Variants in TRAF3IP1 observed in about 807,000 individuals in gnomAD.
The protein encoded by TRAF3IP1 is TRAF3-interacting protein 1.
TRAF3IP1 carries 53 observed loss-of-function variants against 89.9 expected under a neutral mutation model. That is an observed-to-expected ratio of 0.59 (90% CI 0.47 to 0.74). TRAF3IP1 has a LOEUF of 0.74. Ranked by LOEUF, TRAF3IP1 falls within the 30% of genes least tolerant of loss-of-function variation. The pLI is 0.00. For missense variants in TRAF3IP1, 806 were observed against 866.1 expected, an observed-to-expected ratio of 0.93 and a Z score of 0.87; for synonymous variants, 311 against 322.1, an observed-to-expected ratio of 0.97 and a Z score of 0.37.
At position 238,325,091 on chromosome 2, in the gene TRAF3IP1, T is replaced by C. The variant is rs4663304; in HGVS notation, c.124-215T>C. Among the ~76,000 whole-genome samples the C allele has an allele frequency of 0.73, 111,423 of 152,120 alleles. 41,035 individuals are homozygous for C. The highest frequency in any genetic ancestry group is 0.79 in the Middle Eastern group (231 of 294). On this transcript the variant is annotated intron_variant, in intron 1 of 16. Coordinates refer to ENST00000373327, the MANE Select transcript of TRAF3IP1 (RefSeq NM_015650.4). ...GTACCTGCATGGTGTCATCTTTACC[T>C]GTCTGTCCACACAGCCAGACTAAGT... is the stretch of plus-strand genomic sequence containing the variant.
Position 238,345,474 on chromosome 2 carries a change from G to C in TRAF3IP1, c.1261+876G>C, listed in dbSNP as rs1428959674. Among the ~76,000 whole-genome samples, 1 of 152,254 alleles carries C rather than the reference G, an allele frequency of 6.6e-6. No individual in the cohort carries two copies. Among genetic ancestry groups the C allele is most frequent in the Non-Finnish European group, 1.5e-5 (1 of 68,052 alleles). On this transcript the variant is annotated intron_variant, in intron 9 of 16. Coordinates refer to ENST00000373327, the MANE Select transcript of TRAF3IP1 (RefSeq NM_015650.4). This position sits in a 1 kb window ranked among gnomAD's most constrained non-coding sequence, Gnocchi z 4.7. ...GCAGCAGGGCTGGCTCAGCCCAGAG[G>C]AAGGGCCAGAGCCAGGTCCCTGTGC...
Position 238,349,423 on chromosome 2 carries a change from G to C in TRAF3IP1, c.1451+15G>C. 1 of 1,612,618 alleles carries C rather than the reference G, an allele frequency of 6.2e-7. No individual in the cohort carries two copies. ...CAAATGGATAGGTAAGGCTGGCTCA[G>C]CAGGGCAGTTCCAGCCACACAGTGT... is the stretch of plus-strand genomic sequence containing the variant. On this transcript the variant is annotated intron_variant, in intron 12 of 16. Coordinates refer to ENST00000373327, the MANE Select transcript of TRAF3IP1 (RefSeq NM_015650.4).
chr2:238,396,484 CAA>C (rs1445994570), intron 15 of TRAF3IP1, among the ~76,000 whole-genome samples: 1 of 148,594 alleles, frequency 6.7e-6, no homozygotes, highest in Non-Finnish European at 1.5e-5. Context: ...ACATATGTAA[CAA>C]ACCTGCACAT....
At chr2:238,398,650 A>G in intron 16 of TRAF3IP1, 104 bp from the exon 17 acceptor site, 1 of 1,267,918 alleles carries the variant, frequency 7.9e-7, no homozygotes, top group Non-Finnish European at 1.1e-6. Flanking sequence ...TTTTCTTTGG[A>G]TGAAACGAAT....
chr2:238,398,770 G>A lies in TRAF3IP1; in HGVS notation c.1927G>A (p.Val643Met), dbSNP rs199907968. ...QQEQRITDCAVEPLKAELAEL... is the reference protein window; with the variant it reads ...QQEQRITDCAMEPLKAELAEL... ...CTCCCTCAGGATCACAGACTGTGCC[G>A]TGGAGCCCTTAAAGGCTGAGCTCGC... is the stretch of plus-strand genomic sequence containing the variant. The change falls in exon 17 of 17, where the codon GTG becomes ATG. Residue 643 changes from valine to methionine, a missense_variant. Around this residue, in one of 3 missense-constraint regions of TRAF3IP1, gnomAD observed 70 missense variants for 67.8 expected, o/e 1.03. Transcript: ENST00000373327. 79 of 1,606,850 alleles carry A rather than the reference G, an allele frequency of 4.9e-5. No homozygotes were observed. Among genetic ancestry groups the A allele is most frequent in the South Asian group, 2.5e-4 (22 of 89,672 alleles).
At position 238,338,377 on chromosome 2, in the gene TRAF3IP1, A is replaced by G. The variant is rs1045235496; in HGVS notation, c.1079A>G (p.Asn360Ser). ...KNSVEGRKED[N>S]ISAKSLDSIV... is the part of the protein sequence containing the mutation. ...TTTATGTCAGGAAGGAAGGAGGATAATATTTCAGCTAAAAGTTTAGACTCC... is the reference window on the plus strand; with the variant it reads ...TTTATGTCAGGAAGGAAGGAGGATAGTATTTCAGCTAAAAGTTTAGACTCC... Residue 360 changes from asparagine to serine, a missense_variant, in exon 8 of 17, where the codon AAT becomes AGT. Asn to Ser is a conservative substitution (Grantham distance 46, BLOSUM62 1). Around this residue, in one of 3 missense-constraint regions of TRAF3IP1, gnomAD observed 732 missense variants for 780.5 expected, o/e 0.94. Transcript: ENST00000373327. 1 of 1,575,154 alleles carries G rather than the reference A, an allele frequency of 6.3e-7. No individual in the cohort carries two copies. Among genetic ancestry groups the G allele is most frequent in the Admixed American group, 1.9e-5 (1 of 53,698 alleles).
chr2:238,332,096 C>T (rs542426451), intron 5 of TRAF3IP1, among the ~76,000 whole-genome samples: 12 of 152,328 alleles, frequency 7.9e-5, no homozygotes, highest in African/African-American at 2.9e-4. Context: ...GTGCAGTGCC[C>T]AGCTTGCAGT....
At chr2:238,347,384 T>C in intron 9 of TRAF3IP1, 71 bp from the exon 10 acceptor site, 2 of 1,531,696 alleles carry the variant, frequency 1.3e-6, no homozygotes, top group Non-Finnish European at 1.8e-6. Flanking sequence ...TTTCTCCAAT[T>C]CTGTTCTCAT....
intron 15 of TRAF3IP1, among the ~76,000 whole-genome samples, chr2:238,383,964 C>T (rs571219459): frequency 1.3e-5 from 2 of 152,222 alleles, no homozygotes; most frequent in South Asian, 2.1e-4. Context: ...GTTTTTGTTC[C>T]TCTTTTGCTT....
chr2:238,355,628 C>T (rs1699372949), intron 14 of TRAF3IP1, among the ~76,000 whole-genome samples: 1 of 152,224 alleles, frequency 6.6e-6, no homozygotes, highest in Admixed American at 6.5e-5. Context: ...AATAGTCTTG[C>T]CCCAGTGTAA....
intron 2 of TRAF3IP1, 43 bp downstream of exon 2, chr2:238,325,417 C>A (rs368087068): frequency 6.2e-7 from 1 of 1,602,490 alleles, no homozygotes. Context: ...CTCGCCTTAA[C>A]GGATGGGATT....
rs2106377276 is a variant in TRAF3IP1, at chr2:238,338,436, G to A, written c.1138G>A (p.Glu380Lys). The A allele has an allele frequency of 3.1e-6, 5 of 1,591,734 alleles. No homozygotes were observed. The highest frequency in any genetic ancestry group is 4.3e-6 in the Non-Finnish European group (5 of 1,169,000). ...VSGINNEPNQ[E>K]TTTSEIGTKE... Reference sequence around the variant, plus strand: ...TGGAATAAATAATGAGCCAAATCAGGAAACGACAACATCAGAAATAGGTAA... The same window carrying A: ...TGGAATAAATAATGAGCCAAATCAGAAAACGACAACATCAGAAATAGGTAA... Residue 380 changes from glutamate (E) to lysine (K), a missense_variant, in exon 8 of 17, where the codon GAA becomes AAA. This residue lies in a region of TRAF3IP1 where 732 missense variants were observed against 780.5 expected (regional missense o/e 0.94). Transcript: ENST00000373327.
intron 9 of TRAF3IP1, among the ~76,000 whole-genome samples, chr2:238,346,094 G>T (rs1046282518): frequency 1.3e-5 from 2 of 152,136 alleles, no homozygotes; most frequent in South Asian, 4.1e-4. Flanking sequence ...CCGGGGATTT[G>T]AAACTGTGTC....
intron 15 of TRAF3IP1, among the ~76,000 whole-genome samples, chr2:238,376,940 T>C (rs1700340168): frequency 6.6e-6 from 1 of 152,102 alleles, no homozygotes; most frequent in Non-Finnish European, 1.5e-5. Context: ...TTGTTACCCA[T>C]TTTGAAACTG....
intron 7 of TRAF3IP1, among the ~76,000 whole-genome samples, chr2:238,337,841 T>C (rs1364368713): frequency 6.6e-6 from 1 of 152,080 alleles, no homozygotes; most frequent in African/African-American, 2.4e-5. Context: ...AAATTTGAGA[T>C]GGCTATGGAC....
At chr2:238,384,869 C>T (rs1221116119) in intron 15 of TRAF3IP1, among the ~76,000 whole-genome samples, 1 of 152,160 alleles carries the variant, frequency 6.6e-6, no homozygotes, top group Non-Finnish European at 1.5e-5. Flanking sequence ...GATCGAAACT[C>T]TGTTTCCTAA....
In TRAF3IP1 at chr2:238,397,518, A is replaced by G. The variant is rs772372812; in HGVS notation, c.1749A>G (p.Ile583Met). 19 of 1,612,956 alleles carry G rather than the reference A, an allele frequency of 1.2e-5. No individual in the cohort carries two copies. In the African/African-American group the frequency reaches 2.5e-4, roughly 22 times the overall value. ...AGAAGGACATCGTTTCCAAGGAGAT[A>G]GAGAAGCTCCGCACGTCCATCCAGA... ...KKEKDIVSKE[I>M]EKLRTSIQTL... The change falls in exon 16 of 17, where the codon ATA becomes ATG. Residue 583 changes from isoleucine to methionine, a missense_variant. Physicochemically the swap from Ile to Met is conservative, Grantham distance 10. This residue lies in a region of TRAF3IP1 where 732 missense variants were observed against 780.5 expected (regional missense o/e 0.94). Coordinates refer to ENST00000373327, the MANE Select transcript of TRAF3IP1 (RefSeq NM_015650.4).
intron 14 of TRAF3IP1, among the ~76,000 whole-genome samples, chr2:238,355,040 G>A (rs770407759): frequency 7.2e-5 from 11 of 151,756 alleles, no homozygotes; most frequent in Non-Finnish European, 1.2e-4. Context: ...TTTTAAAGTT[G>A]TGAAACAATT....
At chr2:238,350,483 G>A (rs530103266) in intron 12 of TRAF3IP1, among the ~76,000 whole-genome samples, 17 of 152,246 alleles carry the variant, frequency 1.1e-4, no homozygotes, top group African/African-American at 4.1e-4. Context: ...GAGGAGAGAG[G>A]GGCTGGGTGA....
Sources: allele counts gnomAD v4.1 joint callset (sites outside exome capture counted in the v4.1 genomes callset), GRCh38; gene constraint gnomAD v4.1.1; regional missense constraint gnomAD v4.1.1; non-coding constraint Gnocchi (gnomAD v3.1); transcripts MANE v1.5; gene names NCBI Gene and HGNC (gene_info 2026-07-23, HGNC 2026-07-21).